MYO1C: variants seen among roughly 807,000 people sequenced by gnomAD.
MYO1C encodes myosin IC.
MYO1C carries 104 observed loss-of-function variants against 150.8 expected under a neutral mutation model. That is an observed-to-expected ratio of 0.69 (90% confidence interval 0.59 to 0.81). The LOEUF (loss-of-function observed/expected upper bound fraction) is 0.81. MYO1C is among the 30% of genes least tolerant of loss of function. The pLI is 0.00. For missense variants in MYO1C, 1,504 were observed against 1,435.0 expected (o/e 1.05, Z -0.78); for synonymous variants, 663 against 579.9 (o/e 1.14, Z -2.06).
rs2074482629 is a variant in MYO1C, at chr17:1,479,896, A to G, written c.907-191T>C. Among the ~76,000 whole-genome samples, 1 of 152,158 alleles carries G rather than the reference A, an allele frequency of 6.6e-6. No individual in the cohort carries two copies. Among genetic ancestry groups the G allele is most frequent in the Non-Finnish European group, 1.5e-5 (1 of 68,028 alleles). ...CACGGTGGCTGACGCCTGTAATCCC[A>G]GCACTTTGGGAGGCTGAGGCGGGAG... is the stretch of plus-strand genomic sequence containing the variant. On this transcript the variant is annotated intron_variant, in intron 7 of 31. Transcript: ENST00000648651. This position sits in a 1 kb window ranked among gnomAD's most constrained non-coding sequence, Gnocchi z 4.2.
At position 1,474,630 on chromosome 17, in the gene MYO1C, C is replaced by T. The variant is rs1598330682; in HGVS notation, c.1777G>A (p.Asp593Asn). Reference protein sequence around the residue: ...SQCFDRSELSDKKRPETVATQ... With the variant: ...SQCFDRSELSNKKRPETVATQ... ...CTCACCGTCTCTGGCCGCTTCTTGT[C>T]ACTGAGCTCGCTCCGGTCAAAGCAC... is the stretch of plus-strand genomic sequence containing the variant. Residue 593 changes from aspartate (D) to asparagine (N), a missense_variant, in exon 17 of 32, where the codon GAC (aspartate) becomes AAC (asparagine). Transcript: ENST00000648651. The T allele has an allele frequency of 6.2e-7, 1 of 1,613,964 alleles. No individual in the cohort carries two copies. The highest frequency in any genetic ancestry group is 8.5e-7 in the Non-Finnish European group (1 of 1,179,936).
At position 1,479,386 on chromosome 17, in the gene MYO1C, G is replaced by T; in HGVS notation, c.1092+45C>A. 1 of 890,400 alleles carries T rather than the reference G, an allele frequency of 1.1e-6. No homozygotes were observed. Among genetic ancestry groups the T allele is most frequent in the Non-Finnish European group, 1.8e-6 (1 of 553,880 alleles). The allele number at this position is 890,400 out of a possible 1,614,324, so 55.2% of individuals were successfully genotyped here. On this transcript the variant is annotated intron_variant, in intron 9 of 31. Coordinates refer to ENST00000648651, the MANE Select transcript of MYO1C (RefSeq NM_001080779.2). The surrounding 1 kb of genome is among the most constrained non-coding windows in gnomAD (Gnocchi z 4.2). ...GAGTGATGGGAGTAGGGGCTGCCTT[G>T]GAACAGCTGCCCCTCCACACCCGAG...
At chr17:1,483,465 TG>T in intron 3 of MYO1C, 144 bp downstream of exon 3, 1 of 659,602 alleles carries the variant, frequency 1.5e-6, no homozygotes, top group Non-Finnish European at 2.7e-6. Context: ...CATTCATCTC[TG>T]GTCACTGGGG....
intron 2 of MYO1C, among the ~76,000 whole-genome samples, 188 bp from the exon 3 acceptor site, chr17:1,483,913 G>A (rs887097154): frequency 5.3e-5 from 8 of 152,132 alleles, no homozygotes; most frequent in Admixed American, 3.9e-4. Context: ...GTGGTGGCGG[G>A]TGCCTGTAAT....
intron 1 of MYO1C, chr17:1,485,099 G>A: frequency 1.6e-6 from 2 of 1,235,128 alleles, no homozygotes; most frequent in Non-Finnish European, 2.1e-6. Context: ...GTCCTGAGAA[G>A]CCTCAGGGGA....
intron 21 of MYO1C, 113 bp from the exon 22 acceptor site, chr17:1,470,802 G>A (rs574816556): frequency 1.4e-4 from 162 of 1,156,652 alleles, no homozygotes; most frequent in Non-Finnish European, 1.9e-4. Context: ...AGGAACCAAC[G>A]AGCAGGAGGA....
rs1365770795 is a variant in MYO1C at position 1,478,526 on chromosome 17, C to T, written c.1213-34G>A. 6.2e-7 allele frequency: 1 copy of T among 1,613,826 alleles called. No homozygotes were observed. Among genetic ancestry groups the T allele is most frequent in the Admixed American group, 1.7e-5 (1 of 60,022 alleles). On this transcript the variant is annotated intron_variant, in intron 10 of 31. Coordinates refer to ENST00000648651, the MANE Select transcript of MYO1C (RefSeq NM_001080779.2). The surrounding 1 kb of genome is among the most constrained non-coding windows in gnomAD (Gnocchi z 6.3). ...GTCATTCAACCGAAGGCGTGGGCCC[C>T]CTGCGCGTGCCAGCCCCACCCTGCA...
At position 1,484,222 on chromosome 17, in the gene MYO1C, G is replaced by A. The variant is rs1417833713; in HGVS notation, c.157C>T (p.Leu53=). The change falls in exon 2 of 32, where the codon CTG becomes TTG. Residue 53 remains leucine (L), a synonymous_variant. Transcript: ENST00000648651. ...RDRVGVQDFV[L]LENFTSEAAF... The stretch of plus-strand genomic sequence containing the variant: ...GCCTCGCTGGTGAAGTTCTCCAGCA[G>A]CACGAAATCCTGCACCCCCACCCGG... The A allele has an allele frequency of 1.2e-6, 2 of 1,612,970 alleles. No individual in the cohort carries two copies. The highest frequency in any genetic ancestry group is 2.2e-5 in the East Asian group (1 of 44,876).
intron 29 of MYO1C, 81 bp from the exon 30 acceptor site, chr17:1,467,658 G>T: frequency 1.0e-6 from 1 of 997,032 alleles, no homozygotes; most frequent in Non-Finnish European, 1.3e-6. Flanking sequence ...TCCACCTCCT[G>T]ACCCCCAAAT....
chr17:1,465,813 A>G, intron 31 of MYO1C, 61 bp from the exon 32 acceptor site: 1 of 1,223,168 alleles, frequency 8.2e-7, no homozygotes, highest in Non-Finnish European at 1.1e-6. Context: ...CCCGGTACTC[A>G]GACTTTTCTT....
chr17:1,483,195 A>C (rs1476678319), intron 3 of MYO1C, 136 bp from the exon 4 acceptor site: 9 of 878,742 alleles, frequency 1.0e-5, no homozygotes, highest in African/African-American at 1.7e-5. Context: ...GGGGTCCCTC[A>C]CAGGTGTGGG....
At position 1,474,654 on chromosome 17, in the gene MYO1C, A is replaced by G. The variant is rs1382066778; in HGVS notation, c.1753T>C (p.Cys585Arg). 2 of 1,614,032 alleles carry G rather than the reference A, an allele frequency of 1.2e-6. No homozygotes were observed. The highest frequency in any genetic ancestry group is 1.1e-5 in the South Asian group (1 of 91,076). Residue 585 changes from cysteine to arginine, a missense_variant, in exon 17 of 32, where the codon TGC becomes CGC. Transcript: ENST00000648651. ...CSSKNPIMSQ[C>R]FDRSELSDKK... ...TCACTGAGCTCGCTCCGGTCAAAGCACTGGCTCATAATGGGATTCTTTGAG... is the reference window on the plus strand; with the variant it reads ...TCACTGAGCTCGCTCCGGTCAAAGCGCTGGCTCATAATGGGATTCTTTGAG...
Position 1,489,202 on chromosome 17 carries a change from A to G in MYO1C, c.75+3211T>C, listed in dbSNP as rs114470711. On this transcript the variant is annotated intron_variant, in intron 1 of 31. Transcript: ENST00000648651. The stretch of plus-strand genomic sequence containing the variant: ...ATCTTAGATCTGGGCCTGGCTGCCC[A>G]CCAAGGACCGTTCCAGACCTCAGGG... Among the ~76,000 whole-genome samples the G allele has an allele frequency of 4.1e-3, 622 of 152,336 alleles. 3 individuals carry two copies. The highest frequency in any genetic ancestry group is 0.014 in the African/African-American group (598 of 41,572).
chr17:1,474,753 C>T, intron 16 of MYO1C, 59 bp downstream of exon 16: 1 of 1,612,918 alleles, frequency 6.2e-7, no homozygotes, highest in South Asian at 1.1e-5. Context: ...CTCCTGGACA[C>T]AGGTGCAGAG....
chr17:1,489,298 C>CT (rs1361160214), intron 1 of MYO1C, among the ~76,000 whole-genome samples: 1 of 152,228 alleles, frequency 6.6e-6, no homozygotes, highest in Non-Finnish European at 1.5e-5. Flanking sequence ...CTCACAGGGC[C>CT]TTGGTCAAGG....
chr17:1,491,790 G>A (rs903893927), intron 1 of MYO1C: 3 of 399,638 alleles, frequency 7.5e-6, no homozygotes, highest in African/African-American at 4.4e-5. Context: ...CGTCCGCGAA[G>A]CCTCGGTGCG....
At chr17:1,492,372 A>G (rs775670518) in intron 1 of MYO1C, 41 bp downstream of exon 1, 2 of 1,560,318 alleles carry the variant, frequency 1.3e-6, no homozygotes, top group African/African-American at 1.4e-5. Context: ...CCTTGGGGAG[A>G]CGCTCCCACC....
chr17:1,467,625 G>A, intron 29 of MYO1C, 48 bp from the exon 30 acceptor site: 1 of 1,578,202 alleles, frequency 6.3e-7, no homozygotes, highest in African/African-American at 1.4e-5. Flanking sequence ...CAGAACTTGA[G>A]GAACCCCCGC....
chr17:1,479,797 G>T lies in MYO1C; in HGVS notation c.907-92C>A. On this transcript the variant is annotated intron_variant, in intron 7 of 31. Transcript: ENST00000648651. The surrounding 1 kb of genome is among the most constrained non-coding windows in gnomAD (Gnocchi z 4.2). ...AGATGGCCATGCAGGGGTGGGTGGT[G>T]AAGTGTCGGAGAGAAGGGGCTGGAA... The T allele has an allele frequency of 1.2e-6, 1 of 859,634 alleles. No homozygotes were observed. Among genetic ancestry groups the T allele is most frequent in the South Asian group, 1.5e-5 (1 of 67,184 alleles). The allele number at this position is 859,634 out of a possible 1,614,324, so 53.3% of individuals were successfully genotyped here. A position where few individuals can be genotyped will look rare whatever the true frequency, so the allele number is the denominator to read the frequency against.
Sources: allele counts gnomAD v4.1 joint callset (sites outside exome capture counted in the v4.1 genomes callset), GRCh38; gene constraint gnomAD v4.1.1; non-coding constraint Gnocchi (gnomAD v3.1); transcripts MANE v1.5; gene names NCBI Gene and HGNC (gene_info 2026-07-23, HGNC 2026-07-21).